RNF150: variants seen among roughly 807,000 people sequenced by gnomAD.
RNF150 encodes ring finger protein 150.
In RNF150, 24 loss-of-function variants were observed where a neutral mutation model predicts 39.3. The observed-to-expected ratio is 0.61, with a 90% CI of 0.44 to 0.86. The LOEUF is 0.86. RNF150 is among the 40% of genes least tolerant of loss of function. The pLI is 0.00. For synonymous variants in RNF150, 255 were observed against 227.3 expected (o/e 1.12, Z -1.10); for missense variants, 502 against 587.8 (o/e 0.85, Z 1.51).
rs1322877876 is a variant in RNF150 at position 141,051,878 on chromosome 4, TG to T, written c.484+80446del. Among the ~76,000 whole-genome samples, 3 of 152,174 alleles carry T rather than the reference TG, an allele frequency of 2.0e-5. No individual in the cohort carries two copies. In the East Asian group the frequency reaches 5.8e-4, roughly 29 times the overall value. Reference sequence around the variant, plus strand: ...ATGCCTTAGTCCCAGTCACAATTTATGGTATTAGTCCATTTTCATGCTGCTG... The same window carrying T: ...ATGCCTTAGTCCCAGTCACAATTTATGTATTAGTCCATTTTCATGCTGCTG... On this transcript the variant is annotated intron_variant, in intron 1 of 6. Coordinates refer to ENST00000515673, the MANE Select transcript of RNF150 (RefSeq NM_020724.2).
intron 1 of RNF150, among the ~76,000 whole-genome samples, chr4:141,054,274 A>G (rs552539029): frequency 8.7e-4 from 133 of 152,302 alleles, no homozygotes; most frequent in Admixed American, 2.2e-3. Context: ...ATAATTTAAT[A>G]TCGGAAATTA....
chr4:141,113,331 GA>G (rs1329870855), intron 1 of RNF150, among the ~76,000 whole-genome samples: 1 of 83,096 alleles, frequency 1.2e-5, no homozygotes, highest in Non-Finnish European at 2.6e-5. Flanking sequence ...TTAGCAAATG[GA>G]AAGTTAAAAA....
intron 1 of RNF150, among the ~76,000 whole-genome samples, chr4:141,054,735 G>A (rs1440295306): frequency 6.6e-6 from 1 of 152,106 alleles, no homozygotes; most frequent in African/African-American, 2.4e-5. Context: ...CTGTGATAGT[G>A]AATCTACAGG....
chr4:140,981,521 T>C (rs909166742), intron 1 of RNF150, among the ~76,000 whole-genome samples: 1 of 152,144 alleles, frequency 6.6e-6, no homozygotes, highest in Non-Finnish European at 1.5e-5. Flanking sequence ...ATTTATATGC[T>C]ACCAAAAAGC....
intron 1 of RNF150, among the ~76,000 whole-genome samples, chr4:141,188,564 CT>C: frequency 6.6e-6 from 1 of 152,224 alleles, no homozygotes; most frequent in Middle Eastern, 3.4e-3. Flanking sequence ...TCTTTTTTCT[CT>C]AATCTTGTCT....
intron 1 of RNF150, among the ~76,000 whole-genome samples, chr4:141,110,493 G>A (rs903929093): frequency 2.0e-5 from 3 of 151,862 alleles, no homozygotes; most frequent in East Asian, 1.9e-4. Flanking sequence ...TGGAGTGATC[G>A]TGGTTCACTG....
At position 140,917,686 on chromosome 4, in the gene RNF150, G is replaced by A. The variant is rs573349655; in HGVS notation, c.988-6332C>T. On this transcript the variant is annotated intron_variant, in intron 5 of 6. Transcript: ENST00000515673. ...AATTGAACTCAGCTATGCACCAAGC[G>A]GACCTAATAGACATCTACAGAACTC... Among the ~76,000 whole-genome samples the A allele has an allele frequency of 3.4e-4, 52 of 152,104 alleles. No homozygotes were observed. In the East Asian group the frequency reaches 6.9e-3, roughly 20 times the overall value.
chr4:141,044,415 A>C (rs1209119362), intron 1 of RNF150, among the ~76,000 whole-genome samples: 1 of 152,190 alleles, frequency 6.6e-6, no homozygotes, highest in East Asian at 1.9e-4. Flanking sequence ...CTGGGTCTAC[A>C]TCAAAATCCT....
intron 6 of RNF150, among the ~76,000 whole-genome samples, chr4:140,910,082 C>A (rs1167433019): frequency 1.3e-4 from 19 of 151,996 alleles, no homozygotes; most frequent in Admixed American, 1.2e-3. Context: ...TCTGTTCTTT[C>A]TTTATCTCTC....
At chr4:140,924,676 C>T (rs1269202048) in intron 5 of RNF150, among the ~76,000 whole-genome samples, 1 of 152,162 alleles carries the variant, frequency 6.6e-6, no homozygotes, top group African/African-American at 2.4e-5. Flanking sequence ...TCACCAGTAT[C>T]TGGTAGAGCT....
At chr4:141,148,669 G>A (rs1433227834) in intron 1 of RNF150, among the ~76,000 whole-genome samples, 3 of 152,166 alleles carry the variant, frequency 2.0e-5, no homozygotes, top group Non-Finnish European at 2.9e-5. Context: ...TCAAACTCCT[G>A]ACCTCAGGTG....
At chr4:141,154,118 C>T (rs986692747) in intron 1 of RNF150, among the ~76,000 whole-genome samples, 1 of 152,164 alleles carries the variant, frequency 6.6e-6, no homozygotes, top group South Asian at 2.1e-4. Flanking sequence ...ATAAATGGCA[C>T]TCAGTAAGAC....
chr4:140,906,871 C>T (rs1730397668), intron 6 of RNF150, among the ~76,000 whole-genome samples: 1 of 152,056 alleles, frequency 6.6e-6, no homozygotes, highest in African/African-American at 2.4e-5. Flanking sequence ...GCAGGCAGTG[C>T]TAGAGGACTT....
At chr4:141,139,121 A>C (rs1727074681) in intron 1 of RNF150, among the ~76,000 whole-genome samples, 1 of 152,180 alleles carries the variant, frequency 6.6e-6, no homozygotes, top group Non-Finnish European at 1.5e-5. Flanking sequence ...AGGCTGAAGC[A>C]GGAGGATCAC....
intron 1 of RNF150, among the ~76,000 whole-genome samples, chr4:141,000,461 A>G (rs73858696): frequency 0.076 from 11,546 of 152,282 alleles, 494 homozygotes; most frequent in Middle Eastern, 0.16. Context: ...ATCACATACT[A>G]TAGGTATACA....
chr4:140,920,905 G>C (rs1211108855), intron 5 of RNF150, among the ~76,000 whole-genome samples: 1 of 151,744 alleles, frequency 6.6e-6, no homozygotes, highest in Non-Finnish European at 1.5e-5. Context: ...GATGAAATTG[G>C]AAATCATCAT....
In RNF150 at chr4:141,132,554, G is replaced by A; in HGVS notation, c.255C>T (p.Asp85=). ...GRYGEHSPKQ[D]ARGEVVMASS... ...TGGCCATGACCACCTCCCCGCGGGCGTCCTGCTTGGGCGAGTGCTCTCCGT... is the reference window on the plus strand; with the variant it reads ...TGGCCATGACCACCTCCCCGCGGGCATCCTGCTTGGGCGAGTGCTCTCCGT... The change falls in exon 1 of 7, where the codon GAC becomes GAT. Residue 85 remains aspartate (D), a synonymous_variant. Transcript: ENST00000515673. This position sits in a 1 kb window ranked among gnomAD's most constrained non-coding sequence, Gnocchi z 4.9. 1 of 1,592,664 alleles carries A rather than the reference G, an allele frequency of 6.3e-7. No homozygotes were observed.
intron 1 of RNF150, among the ~76,000 whole-genome samples, chr4:141,079,865 T>C (rs1405610110): frequency 6.6e-6 from 1 of 152,190 alleles, no homozygotes; most frequent in Non-Finnish European, 1.5e-5. Context: ...TGGGGCAAAT[T>C]GCTAACCCTC....
intron 1 of RNF150, among the ~76,000 whole-genome samples, chr4:141,198,072 G>T (rs1236994500): frequency 6.7e-6 from 1 of 149,214 alleles, no homozygotes; most frequent in African/African-American, 2.5e-5. Context: ...TGTTGCCCAG[G>T]CTGGAGAGCA....
Sources: gnomAD v4.1 joint callset for allele counts (sites outside exome capture counted in the v4.1 genomes callset) on GRCh38, gnomAD v4.1.1 for gene constraint, Gnocchi (gnomAD v3.1) non-coding constraint, MANE v1.5 for transcripts, NCBI Gene and HGNC (gene_info 2026-07-23, HGNC 2026-07-21) for gene names.